RING1: variants seen among roughly 807,000 people sequenced by gnomAD.
The protein encoded by RING1 is ring finger protein 1, also known as E3 ubiquitin-protein ligase RING1.
A neutral mutation model predicts 35.0 loss-of-function variants in RING1; 8 were observed. The ratio of observed to expected loss-of-function variants is 0.23; its 90% CI spans 0.13 to 0.41. The LOEUF (loss-of-function observed/expected upper bound fraction) is 0.41. Among genes scored for constraint, RING1 ranks in the 10% least tolerant of loss-of-function variants. RING1 has a pLI of 1.00. For missense variants in RING1, 343 were observed against 546.8 expected, an observed-to-expected ratio of 0.63 and a Z score of 3.72; for synonymous variants, 214 against 224.3, an observed-to-expected ratio of 0.95 and a Z score of 0.41.
chr6:33,210,817 G>A (rs1300939515), intron 4 of RING1, among the ~76,000 whole-genome samples: 1 of 152,136 alleles, frequency 6.6e-6, no homozygotes, highest in African/African-American at 2.4e-5. Flanking sequence ...CTAGAGTTGG[G>A]CCCGAGAGTC....
chr6:33,212,008 A>G lies in RING1; in HGVS notation c.1119+6A>G, dbSNP rs1775576406. The G allele has an allele frequency of 6.6e-7, 1 of 1,520,880 alleles. No homozygotes were observed. The highest frequency in any genetic ancestry group is 1.4e-5 in the African/African-American group (1 of 72,718). The allele number at this position is 1,520,880 out of a possible 1,614,324, so 94.2% of individuals were successfully genotyped here. On this transcript the variant is annotated splice_donor_region_variant and intron_variant, in intron 6 of 6. Coordinates refer to ENST00000374656, the MANE Select transcript of RING1 (RefSeq NM_002931.4). ...CTGGAGGCGGGGCGTTCACGGTGAG[A>G]GCTTCTGAGGGCAGTGGTAGAAGAG...
In RING1 at chr6:33,210,110, A is replaced by G. The variant is rs1288324815; in HGVS notation, c.435A>G (p.Leu145=). 1.9e-6 allele frequency: 3 copies of G among 1,614,042 alleles called. No individual in the cohort carries two copies. Among genetic ancestry groups the G allele is most frequent in the Non-Finnish European group, 2.5e-6 (3 of 1,180,036 alleles). Residue 145 remains leucine, a synonymous_variant, in exon 4 of 7, where the codon CTA becomes CTG. Transcript: ENST00000374656. ...TGAGCTCCAGCATTGAGGAGGGGCTACGCATGCAGGCCATGCACAGGTGTG... is the reference window on the plus strand; with the variant it reads ...TGAGCTCCAGCATTGAGGAGGGGCTGCGCATGCAGGCCATGCACAGGTGTG... ...QALSSSIEEG[L]RMQAMHRAQR...
rs1285537350 is a variant in RING1, at chr6:33,209,522, G to A, written c.79-104G>A. On this transcript the variant is annotated intron_variant, in intron 2 of 6. Transcript: ENST00000374656. This position sits in a 1 kb window ranked among gnomAD's most constrained non-coding sequence, Gnocchi z 5.1. Reference sequence around the variant, plus strand: ...CTTGTCTCCTATAGAGACCAACATGGGTCTTCTCACTGTATTTCTCAAAAT... The same window carrying A: ...CTTGTCTCCTATAGAGACCAACATGAGTCTTCTCACTGTATTTCTCAAAAT... The A allele has an allele frequency of 8.0e-6, 9 of 1,122,818 alleles. No individual in the cohort carries two copies. In the East Asian group the frequency reaches 1.9e-4, roughly 24 times the overall value. The allele number at this position is 1,122,818 out of a possible 1,614,324, so 69.6% of individuals were successfully genotyped here.
chr6:33,210,052 T>A lies in RING1; in HGVS notation c.377T>A (p.Ile126Asn). The A allele has an allele frequency of 6.2e-7, 1 of 1,614,144 alleles. No individual in the cohort carries two copies. Among genetic ancestry groups the A allele is most frequent in the East Asian group, 2.2e-5 (1 of 44,880 alleles). The stretch of plus-strand genomic sequence containing the variant: ...GAGGCCCATCAAGACCGAGTGCTTA[T>A]CCGCCTGAGCCGCCTGCACAACCAG... ...EYEAHQDRVLIRLSRLHNQQA... is the reference protein window; with the variant it reads ...EYEAHQDRVLNRLSRLHNQQA... The change falls in exon 4 of 7, where the codon ATC (isoleucine) becomes AAC (asparagine). Residue 126 changes from isoleucine (I) to asparagine (N), a missense_variant. Physicochemically the swap from Ile to Asn is moderately radical, Grantham distance 149 (BLOSUM62 -3). Transcript: ENST00000374656.
Position 33,211,378 on chromosome 6 carries a change from G to T in RING1, c.676G>T (p.Gly226Cys), listed in dbSNP as rs1775521439. 6.4e-7 allele frequency: 1 copy of T among 1,559,806 alleles called. No individual in the cohort carries two copies. The highest frequency in any genetic ancestry group is 8.7e-7 in the Non-Finnish European group (1 of 1,152,018). Residue 226 changes from glycine to cysteine, a missense_variant, in exon 5 of 7, where the codon GGT becomes TGT. Coordinates refer to ENST00000374656, the MANE Select transcript of RING1 (RefSeq NM_002931.4). This position sits in a 1 kb window ranked among gnomAD's most constrained non-coding sequence, Gnocchi z 6.3. ...GGGGTGGVGG[G>C]AGSEDSGDRG... ...AGGCGGCACTGGTGGGGTGGGTGGG[G>T]GTGCCGGTTCGGAAGACTCTGGTGA... is the stretch of plus-strand genomic sequence containing the variant.
intron 4 of RING1, 52 bp downstream of exon 4, chr6:33,210,182 TCCTTGTTGC>T (rs768258382): frequency 6.5e-7 from 1 of 1,527,106 alleles, no homozygotes; most frequent in Admixed American, 1.7e-5. Context: ...CGTGGGTCAG[TCCTTGTTGC>T]CTGCTAGCTT....
Position 33,208,723 on chromosome 6 carries a change from G to A in RING1, c.-58-42G>A. 1 of 974,678 alleles carries A rather than the reference G, an allele frequency of 1.0e-6. No homozygotes were observed. Among genetic ancestry groups the A allele is most frequent in the Non-Finnish European group, 1.5e-6 (1 of 679,342 alleles). The allele number at this position is 974,678 out of a possible 1,614,324, so 60.4% of individuals were successfully genotyped here. A position where few individuals can be genotyped will look rare whatever the true frequency, so the allele number is the denominator to read the frequency against. Reference sequence around the variant, plus strand: ...TGGAGGGGCGGGGTCTACGCGAGGGGCGGCCCCCCTGACGCCCTCCTCCCC... The same window carrying A: ...TGGAGGGGCGGGGTCTACGCGAGGGACGGCCCCCCTGACGCCCTCCTCCCC... On this transcript the variant is annotated intron_variant, in intron 1 of 6. Transcript: ENST00000374656. The surrounding 1 kb of genome is among the most constrained non-coding windows in gnomAD (Gnocchi z 6.2).
In RING1 at chr6:33,212,631, A is replaced by G. The variant is rs1180006052; in HGVS notation, c.*232A>G. 2.2e-6 allele frequency: 1 copy of G among 451,978 alleles called. No individual in the cohort carries two copies. The highest frequency in any genetic ancestry group is 3.9e-6 in the Non-Finnish European group (1 of 255,794). 28.0% of individuals were successfully genotyped at this position (451,978 alleles called of 1,614,324 possible). A position where few individuals can be genotyped will look rare whatever the true frequency, so the allele number is the denominator to read the frequency against. On this transcript the variant is annotated 3_prime_UTR_variant, in exon 7 of 7. Coordinates refer to ENST00000374656, the MANE Select transcript of RING1 (RefSeq NM_002931.4). ...CTTTTCTATTGCCCTGCAACGTCCC[A>G]TCTATACGAGGTGTTGGAGAAGGTG...
In RING1 at chr6:33,211,124, G is replaced by T; in HGVS notation, c.456-34G>T. On this transcript the variant is annotated intron_variant, in intron 4 of 6. Coordinates refer to ENST00000374656, the MANE Select transcript of RING1 (RefSeq NM_002931.4). This position sits in a 1 kb window ranked among gnomAD's most constrained non-coding sequence, Gnocchi z 6.3. ...TTTAAAGTCTAAGCCCTTTATCCTG[G>T]ATGCCTTCTAACCTTAACCACTTGC... 6.5e-7 allele frequency: 1 copy of T among 1,536,722 alleles called. No individual in the cohort carries two copies. Among genetic ancestry groups the T allele is most frequent in the Non-Finnish European group, 8.8e-7 (1 of 1,139,910 alleles).
In RING1 at chr6:33,208,957, G is replaced by A. The variant is rs1471025361; in HGVS notation, c.78+57G>A. ...CCTCCCCCAAACCCTTATATCCACA[G>A]ACCGCATCACACAGCTTCTTTTCCG... On this transcript the variant is annotated intron_variant, in intron 2 of 6. Transcript: ENST00000374656. The surrounding 1 kb of genome is among the most constrained non-coding windows in gnomAD (Gnocchi z 6.2). 4 of 1,374,254 alleles carry A rather than the reference G, an allele frequency of 2.9e-6. No individual in the cohort carries two copies. The Admixed American group carries it at 5.5e-5, about 19-fold the overall frequency. 85.1% of individuals were successfully genotyped at this position (1,374,254 alleles called of 1,614,324 possible). A position where few individuals can be genotyped will look rare whatever the true frequency, so the allele number is the denominator to read the frequency against.
Position 33,211,012 on chromosome 6 carries a change from C to T in RING1, c.456-146C>T, listed in dbSNP as rs1057376970. 8 of 865,356 alleles carry T rather than the reference C, an allele frequency of 9.2e-6. No individual in the cohort carries two copies. The highest frequency in any genetic ancestry group is 1.2e-5 in the Non-Finnish European group (7 of 575,254). The allele number at this position is 865,356 out of a possible 1,614,324, so 53.6% of individuals were successfully genotyped here. ...TAGGTAAGGGGATTGGTGCAAAACACTTAGTATACTGAGTGCTTAGCACAT... is the reference window on the plus strand; with the variant it reads ...TAGGTAAGGGGATTGGTGCAAAACATTTAGTATACTGAGTGCTTAGCACAT... On this transcript the variant is annotated intron_variant, in intron 4 of 6. Transcript: ENST00000374656. This position sits in a 1 kb window ranked among gnomAD's most constrained non-coding sequence, Gnocchi z 6.3.
At position 33,211,610 on chromosome 6, in the gene RING1, A is replaced by G. The variant is rs1775543232; in HGVS notation, c.845+63A>G. ...AAAGATCACCTAGATTTCCATCAGA[A>G]GTGGGCTTTGCCCAAACCCAAAATA... On this transcript the variant is annotated intron_variant, in intron 5 of 6. Coordinates refer to ENST00000374656, the MANE Select transcript of RING1 (RefSeq NM_002931.4). The surrounding 1 kb of genome is among the most constrained non-coding windows in gnomAD (Gnocchi z 6.3). 5.7e-6 allele frequency: 9 copies of G among 1,579,734 alleles called. No homozygotes were observed. In the Admixed American group the frequency reaches 7.3e-5, roughly 13 times the overall value.
In RING1 at chr6:33,211,212, TG is replaced by T. The variant is rs761874510; in HGVS notation, c.517del (p.Glu173LysfsTer14). On this transcript the variant is annotated frameshift_variant, in exon 5 of 7. Coordinates refer to ENST00000374656, the MANE Select transcript of RING1 (RefSeq NM_002931.4). LOFTEE classifies it high-confidence loss of function. The surrounding 1 kb of genome is among the most constrained non-coding windows in gnomAD (Gnocchi z 6.3). ...GGTCAGATCAGACCACAACGATGAG[TG>T]GGGGGGAAGGAGAGCCCGGGGAGGG... The part of the protein sequence containing the change: ...PGSDQTTTMS[G>X]GEGEPGEGEG... The T allele has an allele frequency of 6.2e-7, 1 of 1,610,894 alleles. No individual in the cohort carries two copies.
chr6:33,209,567 G>A lies in RING1; in HGVS notation c.79-59G>A. The A allele has an allele frequency of 1.3e-6, 2 of 1,544,994 alleles. No individual in the cohort carries two copies. Among genetic ancestry groups the A allele is most frequent in the South Asian group, 1.2e-5 (1 of 86,404 alleles). The stretch of plus-strand genomic sequence containing the variant: ...CAAAATTCTTATTTTATGGGCTGCT[G>A]TTTCTAAAACCCCTTTCCCTCTAAC... On this transcript the variant is annotated intron_variant, in intron 2 of 6. Coordinates refer to ENST00000374656, the MANE Select transcript of RING1 (RefSeq NM_002931.4). This position sits in a 1 kb window ranked among gnomAD's most constrained non-coding sequence, Gnocchi z 5.1.
Position 33,211,495 on chromosome 6 carries a change from G to A in RING1, c.793G>A (p.Val265Met), listed in dbSNP as rs768709960. 3.7e-6 allele frequency: 6 copies of A among 1,612,210 alleles called. No individual in the cohort carries two copies. Among genetic ancestry groups the A allele is most frequent in the Admixed American group, 3.3e-5 (2 of 59,940 alleles). The change falls in exon 5 of 7, where the codon GTG becomes ATG. Residue 265 changes from valine to methionine, a missense_variant. By Grantham distance (21) the Val-to-Met change is conservative. Around this residue, in one of 2 missense-constraint regions of RING1, gnomAD observed 278 missense variants for 383.5 expected, o/e 0.72. Coordinates refer to ENST00000374656, the MANE Select transcript of RING1 (RefSeq NM_002931.4). This position sits in a 1 kb window ranked among gnomAD's most constrained non-coding sequence, Gnocchi z 6.3. ...AGAGCCAGGTGGAGAAATTGAGCTCGTGTTCCGGCCCCACCCCCTGCTCGT... is the reference window on the plus strand; with the variant it reads ...AGAGCCAGGTGGAGAAATTGAGCTCATGTTCCGGCCCCACCCCCTGCTCGT... Reference protein sequence around the residue: ...PPEPGGEIELVFRPHPLLVEK... With the variant: ...PPEPGGEIELMFRPHPLLVEK...
In RING1 at chr6:33,210,089, C is replaced by T. The variant is rs1338379873; in HGVS notation, c.414C>T (p.Ser138=). 6.2e-7 allele frequency: 1 copy of T among 1,614,226 alleles called. No individual in the cohort carries two copies. The highest frequency in any genetic ancestry group is 8.5e-7 in the Non-Finnish European group (1 of 1,180,048). ...GCCTGCACAACCAGCAGGCATTGAG[C>T]TCCAGCATTGAGGAGGGGCTACGCA... ...LSRLHNQQAL[S]SSIEEGLRMQ... is the part of the protein sequence containing the mutation. Residue 138 remains serine (S), a synonymous_variant, in exon 4 of 7, where the codon AGC becomes AGT. Transcript: ENST00000374656.
Position 33,209,846 on chromosome 6 carries a change from T to C in RING1, c.239+60T>C. ...GGGTACAAAGTTAGGGCCCTCTCAC[T>C]GGTCTTGGTTCAGCCTAGGCTTCAG... On this transcript the variant is annotated intron_variant, in intron 3 of 6. Transcript: ENST00000374656. The surrounding 1 kb of genome is among the most constrained non-coding windows in gnomAD (Gnocchi z 5.1). 6.2e-7 allele frequency: 1 copy of C among 1,611,492 alleles called. No homozygotes were observed. The highest frequency in any genetic ancestry group is 1.7e-5 in the Admixed American group (1 of 59,926).
rs145706732 is a variant in RING1, at chr6:33,210,260, G to C, written c.455+130G>C. ...CTGATCATTAGGGCTGGAAATCATG[G>C]GTGTAAATTGCAGTTTCTTAGTAAA... On this transcript the variant is annotated intron_variant, in intron 4 of 6. Transcript: ENST00000374656. 67 of 796,774 alleles carry C rather than the reference G, an allele frequency of 8.4e-5. No individual in the cohort carries two copies. In the East Asian group the frequency reaches 1.8e-3, roughly 21 times the overall value. 49.4% of individuals were successfully genotyped at this position (796,774 alleles called of 1,614,324 possible).
chr6:33,208,523 T>C lies in RING1; in HGVS notation c.-180T>C. On this transcript the variant is annotated 5_prime_UTR_variant, in exon 1 of 7. It removes an upstream start codon present in the reference 5' UTR. Transcript: ENST00000374656. This position sits in a 1 kb window ranked among gnomAD's most constrained non-coding sequence, Gnocchi z 6.2. ...ACGTAGGGCCCCAGCGCCCGGGCCA[T>C]GGCGGCGGCGGTGGCGGGAGCTGCT... The C allele has an allele frequency of 4.7e-6, 2 of 422,808 alleles. No homozygotes were observed. The highest frequency in any genetic ancestry group is 8.3e-6 in the Non-Finnish European group (2 of 241,764). The allele number at this position is 422,808 out of a possible 1,614,324, so 26.2% of individuals were successfully genotyped here. A position where few individuals can be genotyped will look rare whatever the true frequency, so the allele number is the denominator to read the frequency against.
Sources: gnomAD v4.1 joint callset for allele counts (sites outside exome capture counted in the v4.1 genomes callset) on GRCh38, gnomAD v4.1.1 for gene constraint, gnomAD v4.1.1 regional missense constraint, Gnocchi (gnomAD v3.1) non-coding constraint, MANE v1.5 for transcripts, NCBI Gene and HGNC (gene_info 2026-07-23, HGNC 2026-07-21) for gene names.